The following AOAH variants were observed in gnomAD, a reference collection of about 807,000 sequenced individuals.
The protein encoded by AOAH is acyloxyacyl hydrolase.
A neutral mutation model predicts 92.2 loss-of-function variants in AOAH; 64 were observed. The observed-to-expected ratio is 0.69, with a 90% confidence interval of 0.57 to 0.86. The LOEUF (loss-of-function observed/expected upper bound fraction) is 0.86. Among genes scored for constraint, AOAH ranks in the 40% least tolerant of loss-of-function variants. The probability of loss-of-function intolerance (pLI) is 0.00; values close to 1 mark genes in which losing one functional copy is unlikely to be tolerated. For synonymous variants in AOAH, 263 were observed against 254.5 expected (o/e 1.03, Z -0.32); for missense variants, 656 against 694.6 (o/e 0.94, Z 0.62).
intron 19 of AOAH, among the ~76,000 whole-genome samples, chr7:36,526,990 T>C (rs187036959): frequency 1.5e-4 from 23 of 152,308 alleles, no homozygotes; most frequent in African/African-American, 5.5e-4. Context: ...ACTGTCAGTG[T>C]AAAAATGGCT....
intron 2 of AOAH, among the ~76,000 whole-genome samples, chr7:36,676,910 A>G (rs1233681472): frequency 6.6e-6 from 1 of 152,200 alleles, no homozygotes; most frequent in Non-Finnish European, 1.5e-5. Flanking sequence ...CTTACTTCAC[A>G]CTATATACAA....
chr7:36,695,887 T>C lies in AOAH; in HGVS notation c.128-9093A>G, dbSNP rs187068186. On this transcript the variant is annotated intron_variant, in intron 1 of 20. Coordinates refer to ENST00000617537, the MANE Select transcript of AOAH (RefSeq NM_001637.4). ...CTCATTCAATGTCACGGAGATTTCCTTTTAGAAGTTTTATAGTTTTAGCTC... is the reference window on the plus strand; with the variant it reads ...CTCATTCAATGTCACGGAGATTTCCCTTTAGAAGTTTTATAGTTTTAGCTC... Among the ~76,000 whole-genome samples, 452 of 152,310 alleles carry C rather than the reference T, an allele frequency of 3.0e-3. 3 individuals carry two copies. Among genetic ancestry groups the C allele is most frequent in the African/African-American group, 0.01 (420 of 41,574 alleles).
rs1164921815 is a variant in AOAH, at chr7:36,548,617, G to A, written c.1128C>T (p.Cys376=). ...ACTTTTTCTCAATAACTCACCCACTGCAGACATCATTTCCAATCATGGCAT... is the reference window on the plus strand; with the variant it reads ...ACTTTTTCTCAATAACTCACCCACTACAGACATCATTTCCAATCATGGCAT... ...VIYAMIGNDV[C]SGKSDPVPAM... Residue 376 remains cysteine (C), a synonymous_variant, in exon 15 of 21, where the codon TGC becomes TGT. Coordinates refer to ENST00000617537, the MANE Select transcript of AOAH (RefSeq NM_001637.4). 7.4e-6 allele frequency: 12 copies of A among 1,612,938 alleles called. No individual in the cohort carries two copies. In the East Asian group the frequency reaches 2.5e-4, roughly 33 times the overall value.
intron 4 of AOAH, among the ~76,000 whole-genome samples, chr7:36,656,302 C>A (rs879739697): frequency 1.3e-5 from 2 of 152,190 alleles, no homozygotes; most frequent in Admixed American, 6.5e-5. Flanking sequence ...GCCTTTGATA[C>A]GACATTCAAG....
chr7:36,703,344 A>T (rs943768705), intron 1 of AOAH, among the ~76,000 whole-genome samples: 8 of 152,288 alleles, frequency 5.3e-5, no homozygotes, highest in Middle Eastern at 3.4e-3. Context: ...TCCGAGATTC[A>T]TCAGAGGAAT....
intron 1 of AOAH, among the ~76,000 whole-genome samples, chr7:36,714,425 T>G (rs1226175225): frequency 6.6e-6 from 1 of 152,218 alleles, no homozygotes; most frequent in Non-Finnish European, 1.5e-5. Context: ...CCATTCCTTC[T>G]GAAACTATTC....
At chr7:36,699,524 C>T (rs776044191) in intron 1 of AOAH, among the ~76,000 whole-genome samples, 3 of 151,782 alleles carry the variant, frequency 2.0e-5, no homozygotes, top group Non-Finnish European at 4.4e-5. Context: ...ATTTGCATTT[C>T]TCTAATGATT....
At chr7:36,707,315 C>A (rs1219497900) in intron 1 of AOAH, among the ~76,000 whole-genome samples, 1 of 151,972 alleles carries the variant, frequency 6.6e-6, no homozygotes, top group Non-Finnish European at 1.5e-5. Flanking sequence ...ACACATTTAT[C>A]AATTAAGGTT....
At chr7:36,681,827 A>G (rs1391507071) in intron 2 of AOAH, among the ~76,000 whole-genome samples, 1 of 152,106 alleles carries the variant, frequency 6.6e-6, no homozygotes, top group Non-Finnish European at 1.5e-5. Flanking sequence ...AATAAATAAG[A>G]GTACCTGAAT....
intron 11 of AOAH, chr7:36,599,748 G>A (rs1790408204): frequency 6.6e-6 from 1 of 152,208 alleles, no homozygotes. Context: ...CCTGCTTAGC[G>A]TTGGAACCAT....
intron 4 of AOAH, among the ~76,000 whole-genome samples, chr7:36,658,704 T>C (rs895313900): frequency 1.3e-5 from 2 of 152,014 alleles, no homozygotes; most frequent in Non-Finnish European, 2.9e-5. Context: ...CTGTGGGAGG[T>C]AGTTTATCAT....
chr7:36,671,317 C>G (rs909464656), intron 3 of AOAH, among the ~76,000 whole-genome samples: 1 of 152,086 alleles, frequency 6.6e-6, no homozygotes, highest in Non-Finnish European at 1.5e-5. Flanking sequence ...CTCTCCTTTT[C>G]CCCCCAACTC....
At chr7:36,636,510 G>C (rs1793535899) in intron 5 of AOAH, among the ~76,000 whole-genome samples, 1 of 152,314 alleles carries the variant, frequency 6.6e-6, no homozygotes, top group Non-Finnish European at 1.5e-5. Context: ...GAGTTCTGAA[G>C]GGGGTGGTCA....
chr7:36,695,448 T>A (rs1270156781), intron 1 of AOAH, among the ~76,000 whole-genome samples: 1 of 152,204 alleles, frequency 6.6e-6, no homozygotes, highest in African/African-American at 2.4e-5. Flanking sequence ...TGCTAGGCGT[T>A]TTTTACAAAT....
chr7:36,714,683 CA>C (rs1278065702), intron 1 of AOAH, among the ~76,000 whole-genome samples: 6 of 152,170 alleles, frequency 3.9e-5, no homozygotes, highest in Admixed American at 3.3e-4. Context: ...ATATGTAAAT[CA>C]ATAAATGTAA....
intron 11 of AOAH, among the ~76,000 whole-genome samples, chr7:36,606,118 T>C (rs1209608758): frequency 1.3e-5 from 2 of 152,210 alleles, no homozygotes; most frequent in East Asian, 3.8e-4. Flanking sequence ...TGAAGGTAAC[T>C]CAGATAGAAT....
At chr7:36,649,911 A>ATGCC (rs1264844393) in intron 4 of AOAH, among the ~76,000 whole-genome samples, 1 of 152,230 alleles carries the variant, frequency 6.6e-6, no homozygotes, top group African/African-American at 2.4e-5. Flanking sequence ...GCATGGCTAA[A>ATGCC]TGCCTGGATT....
intron 6 of AOAH, among the ~76,000 whole-genome samples, chr7:36,629,921 G>C (rs917023376): frequency 6.6e-6 from 1 of 152,198 alleles, no homozygotes; most frequent in African/African-American, 2.4e-5. Flanking sequence ...TGGAAACAGG[G>C]TCTTTACAAG....
intron 2 of AOAH, among the ~76,000 whole-genome samples, chr7:36,681,350 A>T (rs1220163685): frequency 6.6e-6 from 1 of 152,208 alleles, no homozygotes; most frequent in Non-Finnish European, 1.5e-5. Flanking sequence ...TAATTAAGAG[A>T]CTTGACCTAG....
Sources: allele counts gnomAD v4.1 joint callset (sites outside exome capture counted in the v4.1 genomes callset), GRCh38; gene constraint gnomAD v4.1.1; transcripts MANE v1.5; gene names NCBI Gene and HGNC (gene_info 2026-07-23, HGNC 2026-07-21).